Variants in PPP1R13B observed in about 807,000 individuals in gnomAD.
The protein encoded by PPP1R13B is protein phosphatase 1 regulatory subunit 13B.
In PPP1R13B, 44 loss-of-function variants were observed where a neutral mutation model predicts 119.8. The observed-to-expected ratio is 0.37, with a 90% CI of 0.29 to 0.47. The LOEUF is 0.47. Among genes scored for constraint, PPP1R13B ranks in the 20% least tolerant of loss-of-function variants. The pLI, the probability that PPP1R13B is intolerant of heterozygous loss-of-function variation, is 0.99. For missense variants in PPP1R13B, 1,227 were observed against 1,413.5 expected (o/e 0.87, Z 2.12); for synonymous variants, 542 against 561.5 (o/e 0.97, Z 0.49).
chr14:103,827,792 T>A (rs1476324547), intron 1 of PPP1R13B, among the ~76,000 whole-genome samples: 3 of 151,978 alleles, frequency 2.0e-5, no homozygotes, highest in Non-Finnish European at 4.4e-5. Flanking sequence ...TCCATTACAT[T>A]TAATCATGGA....
At chr14:103,782,304 G>C (rs1368446852) in intron 3 of PPP1R13B, among the ~76,000 whole-genome samples, 1 of 152,224 alleles carries the variant, frequency 6.6e-6, no homozygotes, top group African/African-American at 2.4e-5. Flanking sequence ...GAGATGGTCT[G>C]GGTCAGGGCA....
At chr14:103,834,427 A>T (rs970098128) in intron 1 of PPP1R13B, among the ~76,000 whole-genome samples, 1 of 152,056 alleles carries the variant, frequency 6.6e-6, no homozygotes. Context: ...GGGGAGAGGC[A>T]TTTCATACAA....
Position 103,778,784 on chromosome 14 carries a change from A to G in PPP1R13B, c.315T>C (p.Asn105=), listed in dbSNP as rs761002528. The G allele has an allele frequency of 1.2e-6, 2 of 1,614,120 alleles. No homozygotes were observed. Among genetic ancestry groups the G allele is most frequent in the Admixed American group, 1.7e-5 (1 of 60,012 alleles). ...GTTTTTCTCCAGGTACATTTATTACATTTCTCTGAGTTCGTTGCTCTTGGG... is the reference window on the plus strand; with the variant it reads ...GTTTTTCTCCAGGTACATTTATTACGTTTCTCTGAGTTCGTTGCTCTTGGG... ...RQTQEQRTQR[N]VINVPGEKRT... Residue 105 remains asparagine, a synonymous_variant, in exon 4 of 17, where the codon AAT becomes AAC. Coordinates refer to ENST00000202556, the MANE Select transcript of PPP1R13B (RefSeq NM_015316.3).
rs1350223689 is a variant in PPP1R13B at position 103,740,559 on chromosome 14, G to C, written c.1857C>G (p.Thr619=). 2.6e-6 allele frequency: 4 copies of C among 1,547,124 alleles called. No individual in the cohort carries two copies. Among genetic ancestry groups the C allele is most frequent in the Non-Finnish European group, 2.6e-6 (3 of 1,144,832 alleles). The change falls in exon 12 of 17, where the codon ACC becomes ACG. Residue 619 remains threonine, a synonymous_variant. Coordinates refer to ENST00000202556, the MANE Select transcript of PPP1R13B (RefSeq NM_015316.3). The surrounding 1 kb of genome is among the most constrained non-coding windows in gnomAD (Gnocchi z 4.6). The part of the protein sequence containing the change: ...YGKPVLPSGS[T]SPSPLPFLHG... Reference sequence around the variant, plus strand: ...GAAGAAACGGCAGCGGCGATGGAGAGGTTGAACCCGAAGGTAAAACGGGCT... The same window carrying C: ...GAAGAAACGGCAGCGGCGATGGAGACGTTGAACCCGAAGGTAAAACGGGCT...
chr14:103,754,847 T>C (rs763833738), intron 5 of PPP1R13B, among the ~76,000 whole-genome samples: 89 of 151,886 alleles, frequency 5.9e-4, no homozygotes, highest in Non-Finnish European at 9.7e-4. Flanking sequence ...TGGCATGATC[T>C]CGGCTCACTG....
chr14:103,827,147 ACC>A (rs112837103), intron 1 of PPP1R13B, among the ~76,000 whole-genome samples: 3,492 of 151,934 alleles, frequency 0.023, 136 homozygotes, highest in African/African-American at 0.079. Context: ...ACACGGTGAA[ACC>A]CCATCTCTAT....
intron 4 of PPP1R13B, among the ~76,000 whole-genome samples, chr14:103,776,168 AGGAG>A (rs1234464489): frequency 1.8e-4 from 11 of 61,608 alleles, no homozygotes; most frequent in East Asian, 1.8e-3. Context: ...GAGGAAGGGA[AGGAG>A]GGAGGGAGGG....
At chr14:103,782,130 G>A (rs924889273) in intron 3 of PPP1R13B, among the ~76,000 whole-genome samples, 1 of 151,746 alleles carries the variant, frequency 6.6e-6, no homozygotes, top group African/African-American at 2.4e-5. Flanking sequence ...TTCCCCCCAG[G>A]CCAACAACAT....
intron 4 of PPP1R13B, among the ~76,000 whole-genome samples, chr14:103,761,999 T>C (rs2084818462): frequency 6.6e-6 from 1 of 152,208 alleles, no homozygotes; most frequent in Non-Finnish European, 1.5e-5. Flanking sequence ...CAGGGGAGCA[T>C]CTTCGACGCC....
chr14:103,739,747 C>T, intron 12 of PPP1R13B, 77 bp downstream of exon 12: 1 of 1,461,634 alleles, frequency 6.8e-7, no homozygotes, highest in Non-Finnish European at 9.1e-7. Flanking sequence ...CACAGCCTGA[C>T]CAAGGGAAGG....
At chr14:103,836,244 C>T (rs1020881689) in intron 1 of PPP1R13B, among the ~76,000 whole-genome samples, 1 of 151,220 alleles carries the variant, frequency 6.6e-6, no homozygotes, top group Non-Finnish European at 1.5e-5. Flanking sequence ...TGGGGTTTCA[C>T]TATGTTGGCG....
intron 2 of PPP1R13B, among the ~76,000 whole-genome samples, chr14:103,795,137 C>T (rs368930021): frequency 7.2e-5 from 11 of 152,050 alleles, no homozygotes; most frequent in African/African-American, 2.4e-4. Flanking sequence ...GGGGTTTTGA[C>T]GTGCTGGCCA....
intron 1 of PPP1R13B, among the ~76,000 whole-genome samples, chr14:103,798,394 C>T (rs1012046589): frequency 6.6e-6 from 1 of 152,042 alleles, no homozygotes; most frequent in Non-Finnish European, 1.5e-5. Context: ...CCTCGTGATC[C>T]ACCCGTCTCG....
rs774325660 is a variant in PPP1R13B at position 103,740,606 on chromosome 14, C to A, written c.1823-13G>T. On this transcript the variant is annotated splice_polypyrimidine_tract_variant and intron_variant, in intron 11 of 16. Transcript: ENST00000202556. This position sits in a 1 kb window ranked among gnomAD's most constrained non-coding sequence, Gnocchi z 4.6. The stretch of plus-strand genomic sequence containing the variant: ...GGCTTACCATACACTGGGGAAGACA[C>A]AAAGGACAGGCAATTTTGACCTCAC... The A allele has an allele frequency of 2.0e-5, 30 of 1,493,930 alleles. No individual in the cohort carries two copies. In the Admixed American group the frequency reaches 6.1e-4, roughly 31 times the overall value. The allele number at this position is 1,493,930 out of a possible 1,614,324, so 92.5% of individuals were successfully genotyped here. A position where few individuals can be genotyped will look rare whatever the true frequency, so the allele number is the denominator to read the frequency against.
intron 5 of PPP1R13B, among the ~76,000 whole-genome samples, chr14:103,756,908 G>A (rs919570711): frequency 2.8e-4 from 41 of 144,226 alleles, no homozygotes; most frequent in Non-Finnish European, 5.2e-4. Flanking sequence ...ACAGGCGCCC[G>A]CCACCAAGCC....
At chr14:103,813,450 A>G (rs1227651644) in intron 1 of PPP1R13B, among the ~76,000 whole-genome samples, 4 of 152,144 alleles carry the variant, frequency 2.6e-5, no homozygotes, top group Non-Finnish European at 4.4e-5. Context: ...GGTGGACATA[A>G]TTGGATCATG....
intron 1 of PPP1R13B, among the ~76,000 whole-genome samples, chr14:103,844,426 GATTA>G (rs2086980222): frequency 6.6e-6 from 1 of 151,976 alleles, no homozygotes; most frequent in African/African-American, 2.4e-5. Flanking sequence ...TACACCATGT[GATTA>G]ATTAAAAGTT....
rs1281754741 is a variant in PPP1R13B at position 103,740,638 on chromosome 14, G to A, written c.1823-45C>T. 3.5e-6 allele frequency: 5 copies of A among 1,442,076 alleles called. No homozygotes were observed. Among genetic ancestry groups the A allele is most frequent in the Non-Finnish European group, 2.7e-6 (3 of 1,092,412 alleles). The allele number at this position is 1,442,076 out of a possible 1,614,324, so 89.3% of individuals were successfully genotyped here. A position where few individuals can be genotyped will look rare whatever the true frequency, so the allele number is the denominator to read the frequency against. On this transcript the variant is annotated intron_variant, in intron 11 of 16. Coordinates refer to ENST00000202556, the MANE Select transcript of PPP1R13B (RefSeq NM_015316.3). The surrounding 1 kb of genome is among the most constrained non-coding windows in gnomAD (Gnocchi z 4.6). ...CAGGCAATTTTGACCTCACTACAGA[G>A]ATCTAGTCATACACACCTATGATTA...
chr14:103,841,359 G>A (rs1247430048), intron 1 of PPP1R13B, among the ~76,000 whole-genome samples: 5 of 151,778 alleles, frequency 3.3e-5, no homozygotes, highest in Admixed American at 1.3e-4. Flanking sequence ...AGGCCGAGGC[G>A]GGCAGATCAC....
Sources: allele counts gnomAD v4.1 joint callset (sites outside exome capture counted in the v4.1 genomes callset), GRCh38; gene constraint gnomAD v4.1.1; non-coding constraint Gnocchi (gnomAD v3.1); transcripts MANE v1.5; gene names NCBI Gene and HGNC (gene_info 2026-07-23, HGNC 2026-07-21).